SNX9: variants seen among roughly 807,000 people sequenced by gnomAD.
SNX9 encodes the protein sorting nexin 9.
A neutral mutation model predicts 89.4 loss-of-function variants in SNX9; 44 were observed. That is an observed-to-expected ratio of 0.49 (90% CI 0.39 to 0.63). The LOEUF (loss-of-function observed/expected upper bound fraction) is 0.63. Among genes scored for constraint, SNX9 ranks in the 30% least tolerant of loss-of-function variants. The probability of loss-of-function intolerance (pLI) is 0.00; values close to 1 mark genes in which losing one functional copy is unlikely to be tolerated. For synonymous variants in SNX9, 236 were observed against 247.8 expected (o/e 0.95, Z 0.45); for missense variants, 578 against 736.1 (o/e 0.79, Z 2.49).
At chr6:157,877,482 G>T (rs1782543258) in intron 4 of SNX9, among the ~76,000 whole-genome samples, 1 of 152,174 alleles carries the variant, frequency 6.6e-6, no homozygotes, top group African/African-American at 2.4e-5. Context: ...ATTTAAGTAG[G>T]CCAAAATTTG....
chr6:157,834,907 C>G (rs957063493), intron 1 of SNX9, among the ~76,000 whole-genome samples: 1 of 152,168 alleles, frequency 6.6e-6, no homozygotes, highest in Admixed American at 6.5e-5. Flanking sequence ...AGCTCCAAAA[C>G]CCTAGGAAAT....
chr6:157,848,775 C>T lies in SNX9; in HGVS notation c.13-18772C>T, dbSNP rs140172024. Among the ~76,000 whole-genome samples, 52 of 152,202 alleles carry T rather than the reference C, an allele frequency of 3.4e-4. No homozygotes were observed. In the East Asian group the frequency reaches 7.3e-3, roughly 21 times the overall value. Reference sequence around the variant, plus strand: ...CCACAAGCAACGATAGTACAGCAGCCGTAAAATGATAGGGGAAGGGTAGTG... The same window carrying T: ...CCACAAGCAACGATAGTACAGCAGCTGTAAAATGATAGGGGAAGGGTAGTG... On this transcript the variant is annotated intron_variant, in intron 1 of 17. Transcript: ENST00000392185.
chr6:157,935,713 G>C (rs1170887725), intron 13 of SNX9, among the ~76,000 whole-genome samples: 1 of 152,152 alleles, frequency 6.6e-6, no homozygotes, highest in Non-Finnish European at 1.5e-5. Flanking sequence ...TCATCTATTA[G>C]GCAAGATTTA....
intron 1 of SNX9, among the ~76,000 whole-genome samples, chr6:157,854,798 T>G (rs190395632): frequency 1.1e-4 from 16 of 152,352 alleles, no homozygotes; most frequent in Admixed American, 5.2e-4. Flanking sequence ...TGCTTTTTAG[T>G]TACACTTTGG....
At chr6:157,839,292 C>T (rs1003397098) in intron 1 of SNX9, among the ~76,000 whole-genome samples, 2 of 152,034 alleles carry the variant, frequency 1.3e-5, no homozygotes, top group Non-Finnish European at 2.9e-5. Flanking sequence ...GCCTATTTCC[C>T]CTATTAGTGT....
At chr6:157,907,181 CTGGACTTAATAAA>C (rs1783232678) in intron 7 of SNX9, among the ~76,000 whole-genome samples, 1 of 152,088 alleles carries the variant, frequency 6.6e-6, no homozygotes, top group Non-Finnish European at 1.5e-5. Context: ...CCTGTTTTCT[CTGGACTTAATAAA>C]AATTGAACAT....
intron 9 of SNX9, among the ~76,000 whole-genome samples, chr6:157,918,755 A>C (rs745836526): frequency 1.6e-4 from 24 of 151,978 alleles, no homozygotes; most frequent in Non-Finnish European, 2.8e-4. Flanking sequence ...TTTTGAAGTT[A>C]TTTTCATAGT....
At chr6:157,852,569 A>ATGTGC (rs1438094941) in intron 1 of SNX9, among the ~76,000 whole-genome samples, 3 of 149,234 alleles carry the variant, frequency 2.0e-5, no homozygotes, top group African/African-American at 7.7e-5. Flanking sequence ...TTCCTGTCCT[A>ATGTGC]TGTGCTACTT....
At chr6:157,892,642 C>A (rs1432243836) in intron 4 of SNX9, 2 of 152,180 alleles carry the variant, frequency 1.3e-5, no homozygotes, top group Non-Finnish European at 2.9e-5. Flanking sequence ...TGTTTTTGCC[C>A]TAATTAAATG....
At chr6:157,935,832 A>G in intron 13 of SNX9, 132 bp from the exon 14 acceptor site, 1 of 677,734 alleles carries the variant, frequency 1.5e-6, no homozygotes, top group South Asian at 2.5e-5. Flanking sequence ...CATTCATTCT[A>G]TTCCCAATAG....
chr6:157,833,842 A>G (rs928224960), intron 1 of SNX9, among the ~76,000 whole-genome samples: 1 of 152,206 alleles, frequency 6.6e-6, no homozygotes, highest in East Asian at 1.9e-4. Flanking sequence ...ACTATCTACC[A>G]GTATTGCCGA....
At chr6:157,901,786 A>G (rs2115169687) in intron 5 of SNX9, 112 bp from the exon 6 acceptor site, 1 of 1,319,608 alleles carries the variant, frequency 7.6e-7, no homozygotes, top group East Asian at 2.4e-5. Context: ...TTCTCCATCA[A>G]AAAAAAATTG....
At chr6:157,857,837 G>A (rs1035393527) in intron 1 of SNX9, among the ~76,000 whole-genome samples, 4 of 151,962 alleles carry the variant, frequency 2.6e-5, no homozygotes, top group African/African-American at 9.7e-5. Flanking sequence ...AAAAATATGG[G>A]GAGACTCTTT....
rs563432859 is a variant in SNX9 at position 157,935,451 on chromosome 6, A to G, written c.1367-513A>G. 1.2e-4 allele frequency among the ~76,000 whole-genome samples: 18 copies of G among 152,232 alleles called. 1 individual carries two copies. Among genetic ancestry groups the G allele is most frequent in the African/African-American group, 4.1e-4 (17 of 41,538 alleles). On this transcript the variant is annotated intron_variant, in intron 13 of 17. Coordinates refer to ENST00000392185, the MANE Select transcript of SNX9 (RefSeq NM_016224.5). ...GGGAGTGTGTGACATATCACCAGAG[A>G]CACAGCCAGCAGCATCCAGAATGCA...
intron 1 of SNX9, among the ~76,000 whole-genome samples, chr6:157,848,248 C>T (rs532126667): frequency 1.3e-5 from 2 of 152,142 alleles, no homozygotes; most frequent in African/African-American, 2.4e-5. Context: ...ATAAACATAC[C>T]GGCTACCTAG....
intron 1 of SNX9, among the ~76,000 whole-genome samples, chr6:157,841,125 T>C (rs1234846359): frequency 6.6e-6 from 1 of 152,208 alleles, no homozygotes; most frequent in Non-Finnish European, 1.5e-5. Context: ...GGCAGAATGC[T>C]GTTATGGGCT....
intron 13 of SNX9, among the ~76,000 whole-genome samples, chr6:157,933,937 A>G (rs893553535): frequency 2.0e-5 from 3 of 152,234 alleles, no homozygotes; most frequent in Admixed American, 6.5e-5. Flanking sequence ...TTTATGTTGA[A>G]TATCATTCTA....
intron 5 of SNX9, among the ~76,000 whole-genome samples, chr6:157,897,506 ATTG>A (rs1417571756): frequency 6.6e-6 from 1 of 151,754 alleles, no homozygotes; most frequent in African/African-American, 2.4e-5. Context: ...ATGATCGATT[ATTG>A]TTATTATTAT....
At chr6:157,914,850 T>G (rs1390049167) in intron 9 of SNX9, among the ~76,000 whole-genome samples, 1 of 152,206 alleles carries the variant, frequency 6.6e-6, no homozygotes, top group Non-Finnish European at 1.5e-5. Flanking sequence ...TATCAGTTTT[T>G]TCTTTCATGG....
Sources: gnomAD v4.1 joint callset for allele counts (sites outside exome capture counted in the v4.1 genomes callset) on GRCh38, gnomAD v4.1.1 for gene constraint, MANE v1.5 for transcripts, NCBI Gene and HGNC (gene_info 2026-07-23, HGNC 2026-07-21) for gene names.